GPR160: variants seen among roughly 807,000 people sequenced by gnomAD.
GPR160 encodes the protein probable G protein-coupled receptor 160.
GPR160 carries 2 observed loss-of-function variants against 2.6 expected under a neutral mutation model. That is an observed-to-expected ratio of 0.77 (90% CI 0.32 to 2.44). The LOEUF (loss-of-function observed/expected upper bound fraction) is 2.44. Among genes scored for constraint, GPR160 ranks in the 30% most tolerant of loss-of-function variants. The pLI, the probability that GPR160 is intolerant of heterozygous loss-of-function variation, is 0.11. For missense variants in GPR160, 351 were observed against 383.6 expected, an observed-to-expected ratio of 0.91 and a Z score of 0.71; for synonymous variants, 130 against 132.2, an observed-to-expected ratio of 0.98 and a Z score of 0.12.
chr3:170,052,560 T>A (rs1717003890), intron 2 of GPR160, among the ~76,000 whole-genome samples: 1 of 152,198 alleles, frequency 6.6e-6, no homozygotes, highest in South Asian at 2.1e-4. Context: ...ATTTTGCCCA[T>A]TTTTGTTTGA....
intron 3 of GPR160, among the ~76,000 whole-genome samples, chr3:170,081,724 C>T (rs1402867461): frequency 6.6e-6 from 1 of 152,108 alleles, no homozygotes; most frequent in Non-Finnish European, 1.5e-5. Flanking sequence ...CTCCCTCCTC[C>T]CACCCTCCTC....
chr3:170,083,178 T>C (rs938500886), intron 3 of GPR160, among the ~76,000 whole-genome samples: 3 of 152,066 alleles, frequency 2.0e-5, no homozygotes, highest in African/African-American at 7.2e-5. Context: ...AAAATGTATG[T>C]ATCACTGAAG....
chr3:170,048,283 A>T (rs1237797632), intron 2 of GPR160, among the ~76,000 whole-genome samples: 1 of 152,158 alleles, frequency 6.6e-6, no homozygotes, highest in Non-Finnish European at 1.5e-5. Flanking sequence ...TGGGAAGGGG[A>T]TGAGGGATGA....
At position 170,084,185 on chromosome 3, in the gene GPR160, A is replaced by G. The variant is rs1161535309; in HGVS notation, c.213A>G (p.Val71=). The G allele has an allele frequency of 6.3e-6, 10 of 1,590,280 alleles. No homozygotes were observed. Among genetic ancestry groups the G allele is most frequent in the African/African-American group, 1.4e-5 (1 of 73,688 alleles). ...CATTCGTTGATCTTTTACTTTTGGT[A>G]AACATTTCCATTATATTGTATTTCA... ...SLAFVDLLLL[V]NISIILYFRD... is the part of the protein sequence containing the mutation. The change falls in exon 4 of 4, where the codon GTA becomes GTG. Residue 71 remains valine, a synonymous_variant. Transcript: ENST00000355897.
chr3:170,083,937 T>C lies in GPR160; in HGVS notation c.-36T>C, dbSNP rs760151057. ...AAATGAAGCAGTGTTTTATCATGTG[T>C]ATTTCAGCAGGTCTTCTTGAAATTT... On this transcript the variant is annotated 5_prime_UTR_variant, in exon 4 of 4. Transcript: ENST00000355897. 2.4e-6 allele frequency: 3 copies of C among 1,235,120 alleles called. No individual in the cohort carries two copies. Among genetic ancestry groups the C allele is most frequent in the Non-Finnish European group, 3.3e-6 (3 of 912,700 alleles). The allele number at this position is 1,235,120 out of a possible 1,614,324, so 76.5% of individuals were successfully genotyped here. A position where few individuals can be genotyped will look rare whatever the true frequency, so the allele number is the denominator to read the frequency against.
In GPR160 at chr3:170,085,018, TA is replaced by T. The variant is rs1259662432; in HGVS notation, c.*31del. 1 of 1,183,484 alleles carries T rather than the reference TA, an allele frequency of 8.4e-7. No individual in the cohort carries two copies. The highest frequency in any genetic ancestry group is 1.6e-5 in the African/African-American group (1 of 63,820). 73.3% of individuals were successfully genotyped at this position (1,183,484 alleles called of 1,614,324 possible). A position where few individuals can be genotyped will look rare whatever the true frequency, so the allele number is the denominator to read the frequency against. On this transcript the variant is annotated 3_prime_UTR_variant, in exon 4 of 4. Transcript: ENST00000355897. ...TATTAATTAAAAGTTACAGCTGTCA[TA>T]AGATCATAATTTTATGAACAGAAAG...
At chr3:170,068,852 G>A (rs11916096) in intron 2 of GPR160, among the ~76,000 whole-genome samples, 1,745 of 152,220 alleles carry the variant, frequency 0.011, 31 homozygotes, top group African/African-American at 0.039. Context: ...TTCTTTGAAT[G>A]TCTGAGGATC....
intron 2 of GPR160, among the ~76,000 whole-genome samples, chr3:170,059,057 A>T (rs1356129027): frequency 7.1e-6 from 1 of 141,752 alleles, no homozygotes; most frequent in African/African-American, 2.6e-5. Flanking sequence ...ACACACACAC[A>T]CACTTATTTT....
intron 2 of GPR160, chr3:170,062,746 C>T: frequency 9.3e-7 from 1 of 1,073,686 alleles, no homozygotes; most frequent in Non-Finnish European, 1.4e-6. Flanking sequence ...GATTTCTACC[C>T]TGTCCCAAGG....
intron 2 of GPR160, among the ~76,000 whole-genome samples, chr3:170,049,008 T>G (rs141541028): frequency 3.9e-5 from 6 of 152,334 alleles, no homozygotes; most frequent in African/African-American, 1.4e-4. Flanking sequence ...ACCTCTGATC[T>G]GTGAATATAC....
intron 2 of GPR160, among the ~76,000 whole-genome samples, chr3:170,043,582 G>A (rs1404363855): frequency 6.6e-6 from 1 of 152,178 alleles, no homozygotes; most frequent in Admixed American, 6.5e-5. Flanking sequence ...TTTGCCTGAG[G>A]TCTTGCAGCT....
At chr3:170,050,167 C>T (rs144196438) in intron 2 of GPR160, among the ~76,000 whole-genome samples, 12,811 of 151,282 alleles carry the variant, frequency 0.085, 702 homozygotes, top group South Asian at 0.18. Flanking sequence ...TTAAGTGATT[C>T]TCCTGCCTCA....
intron 3 of GPR160, among the ~76,000 whole-genome samples, chr3:170,083,027 G>A (rs1196231363): frequency 1.3e-5 from 2 of 150,218 alleles, no homozygotes; most frequent in Non-Finnish European, 3.0e-5. Flanking sequence ...TAAATACTGC[G>A]ATTGAGTAGT....
intron 2 of GPR160, among the ~76,000 whole-genome samples, chr3:170,078,411 T>C (rs187741194): frequency 1.3e-5 from 2 of 152,204 alleles, no homozygotes; most frequent in East Asian, 3.9e-4. Flanking sequence ...GGACAAGGGA[T>C]ACACTACAGT....
intron 2 of GPR160, among the ~76,000 whole-genome samples, chr3:170,061,808 G>T (rs1711973545): frequency 6.6e-6 from 1 of 151,896 alleles, no homozygotes; most frequent in Non-Finnish European, 1.5e-5. Context: ...AGTCCTCAAA[G>T]ATATTCTTTT....
chr3:170,056,484 G>C (rs1711648143), intron 2 of GPR160, among the ~76,000 whole-genome samples: 1 of 152,168 alleles, frequency 6.6e-6, no homozygotes. Context: ...GGGGAAACAG[G>C]TTAGCTCACA....
intron 2 of GPR160, among the ~76,000 whole-genome samples, chr3:170,047,872 C>T (rs6769890): frequency 2.2e-5 from 3 of 138,586 alleles, no homozygotes; most frequent in African/African-American, 5.6e-5. Flanking sequence ...AAGTCTTGCT[C>T]AGTCACCCAA....
chr3:170,065,751 G>T (rs906425905), intron 2 of GPR160, among the ~76,000 whole-genome samples: 1 of 152,096 alleles, frequency 6.6e-6, no homozygotes, highest in South Asian at 2.1e-4. Flanking sequence ...ATTGAGAATT[G>T]TACCAATTTG....
intron 2 of GPR160, among the ~76,000 whole-genome samples, chr3:170,052,905 G>A (rs6792681): frequency 6.6e-6 from 1 of 152,026 alleles, no homozygotes; most frequent in Non-Finnish European, 1.5e-5. Flanking sequence ...GTGAAGTGGA[G>A]TTAAGGTCCT....
Sources: gnomAD v4.1 joint callset for allele counts (sites outside exome capture counted in the v4.1 genomes callset) on GRCh38, gnomAD v4.1.1 for gene constraint, MANE v1.5 for transcripts, NCBI Gene and HGNC (gene_info 2026-07-23, HGNC 2026-07-21) for gene names.